Variants in EPHX2 observed in about 807,000 individuals in gnomAD.
EPHX2 encodes bifunctional epoxide hydrolase 2.
In EPHX2, 74 loss-of-function variants were observed where a neutral mutation model predicts 78.7. The ratio of observed to expected loss-of-function variants is 0.94; its 90% CI spans 0.78 to 1.14. EPHX2 has a LOEUF of 1.14. EPHX2 is among the 50% of genes most tolerant of loss of function. The pLI, the probability that EPHX2 is intolerant of heterozygous loss-of-function variation, is 0.00. For missense variants in EPHX2, 715 were observed against 702.5 expected (o/e 1.02, Z -0.20); for synonymous variants, 251 against 255.2 (o/e 0.98, Z 0.16).
intron 12 of EPHX2, among the ~76,000 whole-genome samples, chr8:27,535,747 G>T (rs1474759408): frequency 6.6e-6 from 1 of 152,068 alleles, no homozygotes; most frequent in African/African-American, 2.4e-5. Flanking sequence ...TCCTGGAGAG[G>T]GTTGGGGTAG....
chr8:27,523,966 T>C (rs1814739523), intron 11 of EPHX2, among the ~76,000 whole-genome samples: 1 of 149,030 alleles, frequency 6.7e-6, no homozygotes, highest in South Asian at 2.1e-4. Flanking sequence ...AGAGTCTCAC[T>C]CCATTGTCCA....
intron 12 of EPHX2, among the ~76,000 whole-genome samples, chr8:27,532,658 C>T (rs567212995): frequency 1.3e-5 from 2 of 152,238 alleles, no homozygotes; most frequent in South Asian, 2.1e-4. Flanking sequence ...AGACACATCA[C>T]GCCCGTCCCT....
Position 27,525,619 on chromosome 8 carries a change from T to G in EPHX2, c.1170+146T>G, listed in dbSNP as rs1405416750. The G allele has an allele frequency of 3.1e-5, 23 of 751,986 alleles. No homozygotes were observed. The Middle Eastern group carries it at 7.1e-4, about 23-fold the overall frequency. 46.6% of individuals were successfully genotyped at this position (751,986 alleles called of 1,614,324 possible). ...TTTTACAAATGGGCTCAGGTGAAAC[T>G]GGCTGCCATGCCCAGCTGATCCTTC... On this transcript the variant is annotated intron_variant, in intron 12 of 18. Coordinates refer to ENST00000521400, the MANE Select transcript of EPHX2 (RefSeq NM_001979.6).
At position 27,544,656 on chromosome 8, in the gene EPHX2, A is replaced by T. The variant is rs1815529665; in HGVS notation, c.*134A>T. 3 of 878,174 alleles carry T rather than the reference A, an allele frequency of 3.4e-6. No individual in the cohort carries two copies. In the Admixed American group the frequency reaches 7.7e-5, roughly 23 times the overall value. The allele number at this position is 878,174 out of a possible 1,614,324, so 54.4% of individuals were successfully genotyped here. A position where few individuals can be genotyped will look rare whatever the true frequency, so the allele number is the denominator to read the frequency against. ...TTGTTCTGAAGGGGTTTGCAGAAAA[A>T]AAAGATTTTCTTTACATAAAGTGAA... On this transcript the variant is annotated 3_prime_UTR_variant, in exon 19 of 19. Coordinates refer to ENST00000521400, the MANE Select transcript of EPHX2 (RefSeq NM_001979.6).
At chr8:27,523,812 T>G (rs958378416) in intron 11 of EPHX2, among the ~76,000 whole-genome samples, 1 of 152,228 alleles carries the variant, frequency 6.6e-6, no homozygotes, top group Non-Finnish European at 1.5e-5. Context: ...AGCTTGATTC[T>G]TAAGAACTGG....
chr8:27,543,953 C>G, intron 17 of EPHX2, 124 bp downstream of exon 17: 1 of 1,035,602 alleles, frequency 9.7e-7, no homozygotes, highest in Admixed American at 2.2e-5. Context: ...TGAAGCACAT[C>G]ATCAGTAACA....
At chr8:27,501,386 T>TC (rs1554519547) in intron 2 of EPHX2, among the ~76,000 whole-genome samples, 2,042 of 88,242 alleles carry the variant, frequency 0.023, 65 homozygotes, top group African/African-American at 0.049. Context: ...TTCTTCTTCT[T>TC]CTTCTTCTTT....
In EPHX2 at chr8:27,513,091, G is replaced by A. The variant is rs138356024; in HGVS notation, c.735+1181G>A. Among the ~76,000 whole-genome samples the A allele has an allele frequency of 2.2e-3, 333 of 152,254 alleles. 1 individual carries two copies. Among genetic ancestry groups the A allele is most frequent in the African/African-American group, 7.3e-3 (304 of 41,536 alleles). ...CCAGGGATTTTACACTCACAACCTC[G>A]GTGGTTTGGTTACAGCAAGGATGAG... is the stretch of plus-strand genomic sequence containing the variant. On this transcript the variant is annotated intron_variant, in intron 6 of 18. Coordinates refer to ENST00000521400, the MANE Select transcript of EPHX2 (RefSeq NM_001979.6).
At chr8:27,545,706 T>A (rs1815562985), downstream of EPHX2, 1 of 152,228 alleles carries the variant, frequency 6.6e-6, no homozygotes. Context: ...CCCCCTTGCA[T>A]GGTTATCGGG....
In EPHX2 at chr8:27,540,612, G is replaced by A; in HGVS notation, c.1335G>A (p.Glu445=). The A allele has an allele frequency of 6.2e-7, 1 of 1,614,150 alleles. No individual in the cohort carries two copies. Among genetic ancestry groups the A allele is most frequent in the East Asian group, 2.2e-5 (1 of 44,886 alleles). The change falls in exon 15 of 19, where the codon GAG becomes GAA. Residue 445 remains glutamate, a synonymous_variant. Transcript: ENST00000521400. ...GCCTCAGCAGGATGGTCACTGAGGA[G>A]GAAATCCAGTTCTATGTGCAGCAGT... ...EPSLSRMVTE[E]EIQFYVQQFK... is the part of the protein sequence containing the mutation.
chr8:27,522,313 G>A, intron 10 of EPHX2, 110 bp from the exon 11 acceptor site: 1 of 926,530 alleles, frequency 1.1e-6, no homozygotes, highest in South Asian at 1.5e-5. Flanking sequence ...GAGCTGCTGT[G>A]GGTCGGGGGA....
chr8:27,536,152 C>T (rs1475413101), intron 12 of EPHX2, among the ~76,000 whole-genome samples: 1 of 152,188 alleles, frequency 6.6e-6, no homozygotes, highest in Non-Finnish European at 1.5e-5. Flanking sequence ...AGCTCTTTAA[C>T]AGTGGAAACC....
At chr8:27,520,043 T>C (rs1176575525) in intron 9 of EPHX2, among the ~76,000 whole-genome samples, 1 of 151,910 alleles carries the variant, frequency 6.6e-6, no homozygotes, top group Non-Finnish European at 1.5e-5. Context: ...GGTCTCCTTA[T>C]GTTGCCCCGG....
rs1485868689 is a variant in EPHX2 at position 27,491,182 on chromosome 8, C to T, written c.-27C>T. The T allele has an allele frequency of 6.4e-7, 1 of 1,555,924 alleles. No individual in the cohort carries two copies. The highest frequency in any genetic ancestry group is 8.6e-7 in the Non-Finnish European group (1 of 1,159,022). On this transcript the variant is annotated 5_prime_UTR_variant, in exon 1 of 19. Coordinates refer to ENST00000521400, the MANE Select transcript of EPHX2 (RefSeq NM_001979.6). ...GCATCTCCCAGGTTAGCTGCGTGTC[C>T]GGGTGCTAGGCTGCAGACCCGCCGC...
At chr8:27,511,411 T>C (rs952764916) in intron 5 of EPHX2, among the ~76,000 whole-genome samples, 3 of 152,230 alleles carry the variant, frequency 2.0e-5, no homozygotes, top group Non-Finnish European at 4.4e-5. Context: ...TATATGGAGT[T>C]CAGTGGCCAG....
rs1195654875 is a variant in EPHX2 at position 27,531,173 on chromosome 8, G to A, written c.1171-5611G>A. ...TGTGGTGAAAAGAACCAAATATGGA[G>A]GGGTTTGGAGTCTGATGTTCTCATT... On this transcript the variant is annotated intron_variant, in intron 12 of 18. Transcript: ENST00000521400. Among the ~76,000 whole-genome samples the A allele has an allele frequency of 2.0e-5, 3 of 152,214 alleles. No homozygotes were observed. The East Asian group carries it at 5.8e-4, about 29-fold the overall frequency.
chr8:27,537,717 T>G (rs186706740), intron 13 of EPHX2, among the ~76,000 whole-genome samples: 2 of 152,328 alleles, frequency 1.3e-5, no homozygotes, highest in African/African-American at 4.8e-5. Context: ...CAGTTCCTTT[T>G]ATGTTTTCAA....
chr8:27,544,067 G>C, intron 17 of EPHX2, 119 bp from the exon 18 acceptor site: 1 of 1,226,070 alleles, frequency 8.2e-7, no homozygotes, highest in Non-Finnish European at 1.2e-6. Flanking sequence ...AATCATGCAG[G>C]GTTTGGGCAG....
intron 13 of EPHX2, among the ~76,000 whole-genome samples, chr8:27,537,077 A>G (rs1815238268): frequency 6.6e-6 from 1 of 152,202 alleles, no homozygotes; most frequent in Non-Finnish European, 1.5e-5. Flanking sequence ...AAATTATGCT[A>G]TTACCATTAC....
Sources: gnomAD v4.1 joint callset for allele counts (sites outside exome capture counted in the v4.1 genomes callset) on GRCh38, gnomAD v4.1.1 for gene constraint, MANE v1.5 for transcripts, NCBI Gene and HGNC (gene_info 2026-07-23, HGNC 2026-07-21) for gene names.